ASRGL1: variants seen among roughly 807,000 people sequenced by gnomAD.
The protein encoded by ASRGL1 is isoaspartyl peptidase/L-asparaginase.
ASRGL1 carries 16 observed loss-of-function variants against 22.4 expected under a neutral mutation model. That is an observed-to-expected ratio of 0.71 (90% confidence interval 0.48 to 1.08). The LOEUF (loss-of-function observed/expected upper bound fraction) is 1.08. Ranked by LOEUF, ASRGL1 falls within the 50% of genes least tolerant of loss-of-function variation. The pLI, the probability that ASRGL1 is intolerant of heterozygous loss-of-function variation, is 0.00. For synonymous variants in ASRGL1, 165 were observed against 159.3 expected, an observed-to-expected ratio of 1.04 and a Z score of -0.27; for missense variants, 412 against 410.1, an observed-to-expected ratio of 1.00 and a Z score of -0.04.
At chr11:62,395,173 C>T (rs771667432), downstream of ASRGL1, among the ~76,000 whole-genome samples, 3 of 152,154 alleles carry the variant, frequency 2.0e-5, no homozygotes, top group Admixed American at 6.5e-5. Context: ...AAAACACAAA[C>T]GCTAGCAAAT....
intron 6 of ASRGL1, chr11:62,391,868 G>T: frequency 1.4e-6 from 1 of 739,456 alleles, no homozygotes; most frequent in Non-Finnish European, 2.2e-6. Flanking sequence ...GAGACATTGA[G>T]CCTGGATGTG....
Position 62,389,158 on chromosome 11 carries a change from G to C in ASRGL1, c.517G>C (p.Ala173Pro). 1 of 1,613,858 alleles carries C rather than the reference G, an allele frequency of 6.2e-7. No individual in the cohort carries two copies. Among genetic ancestry groups the C allele is most frequent in the Non-Finnish European group, 8.5e-7 (1 of 1,179,782 alleles). The part of the protein sequence containing the change: ...QKNLGTVGAV[A>P]LDCKGNVAYA... ...AAACTTGGGAACCGTGGGTGCTGTT[G>C]CCTTGGACTGCAAAGGGAATGTAGC... The change falls in exon 5 of 7, where the codon GCC becomes CCC. Residue 173 changes from alanine (A) to proline (P), a missense_variant. Ala to Pro is a conservative substitution (Grantham distance 27). Transcript: ENST00000415229.
intron 4 of ASRGL1, among the ~76,000 whole-genome samples, chr11:62,359,003 G>A (rs949805523): frequency 6.6e-6 from 1 of 152,196 alleles, no homozygotes; most frequent in East Asian, 1.9e-4. Context: ...GGAATATTTA[G>A]TTCTGAAGAT....
chr11:62,401,187 T>C, the ASRGL1 span, among the ~76,000 whole-genome samples: 3 of 152,316 alleles, frequency 2.0e-5, no homozygotes, highest in African/African-American at 7.2e-5. Flanking sequence ...GCTGTGCCTG[T>C]TTTTCAGATG....
intron 4 of ASRGL1, chr11:62,372,289 G>C (rs1946794750): frequency 1.2e-6 from 2 of 1,602,276 alleles, no homozygotes; most frequent in Non-Finnish European, 1.7e-6. Context: ...TTTGCGTTTG[G>C]GGAAAACAAG....
intron 4 of ASRGL1, among the ~76,000 whole-genome samples, chr11:62,386,464 C>CATATCATAGATATGTACATATCATAA (rs1565174610): frequency 1.3e-5 from 2 of 149,242 alleles, no homozygotes; most frequent in Admixed American, 6.6e-5. Context: ...ACATATCATA[C>CATATCATAGATATGTACATATCATAA]ATATCATAGA....
At chr11:62,381,874 G>T in intron 4 of ASRGL1, 1 of 152,918 alleles carries the variant, frequency 6.5e-6, no homozygotes, top group South Asian at 1.8e-4. Flanking sequence ...TGTTCTCAAT[G>T]ACCACGCTCT....
chr11:62,374,541 T>C (rs1237778087), intron 4 of ASRGL1, among the ~76,000 whole-genome samples: 1 of 140,766 alleles, frequency 7.1e-6, no homozygotes, highest in Non-Finnish European at 1.6e-5. Flanking sequence ...CTTCAAGTTT[T>C]TTCTTTAGCT....
At chr11:62,371,287 AG>A in intron 4 of ASRGL1, 1 of 1,269,500 alleles carries the variant, frequency 7.9e-7, no homozygotes, top group Non-Finnish European at 1.0e-6. Flanking sequence ...CAGCAGCAGC[AG>A]CGGCGACGAG....
At chr11:62,397,554 C>T (rs888521242), downstream of ASRGL1, among the ~76,000 whole-genome samples, 1 of 151,322 alleles carries the variant, frequency 6.6e-6, no homozygotes, top group Non-Finnish European at 1.5e-5. Context: ...ATCGCAGCTA[C>T]TGGAGAGGCT....
At chr11:62,342,591 T>G (rs1356081371) in intron 2 of ASRGL1, among the ~76,000 whole-genome samples, 1 of 150,572 alleles carries the variant, frequency 6.6e-6, no homozygotes, top group Non-Finnish European at 1.5e-5. Context: ...ATGCTGTCTC[T>G]GCTAAATATA....
chr11:62,379,884 A>G (rs1429422640), intron 4 of ASRGL1, among the ~76,000 whole-genome samples: 1 of 152,192 alleles, frequency 6.6e-6, no homozygotes, highest in Admixed American at 6.5e-5. Context: ...TTTCCTGACA[A>G]TAGTTGCCCA....
chr11:62,389,750 T>C, intron 5 of ASRGL1: 1 of 244,484 alleles, frequency 4.1e-6, no homozygotes, highest in Non-Finnish European at 8.1e-6. Context: ...CGCCATCTCA[T>C]TCCCAGGAGT....
chr11:62,339,001 G>T (rs1945802474), intron 2 of ASRGL1, among the ~76,000 whole-genome samples: 1 of 150,994 alleles, frequency 6.6e-6, no homozygotes, highest in Non-Finnish European at 1.5e-5. Context: ...AGGAGACCAA[G>T]ATTTCCCTTA....
At position 62,389,264 on chromosome 11, in the gene ASRGL1, G is replaced by C. The variant is rs1354286097; in HGVS notation, c.610+13G>C. 6 of 1,601,672 alleles carry C rather than the reference G, an allele frequency of 3.7e-6. No homozygotes were observed. The highest frequency in any genetic ancestry group is 4.3e-6 in the Non-Finnish European group (5 of 1,168,710). ...TCACCGTGTCTAGGTAGGACCAAGGGATGCCTCCTGCCCCTTCCCCTCTTC... is the reference window on the plus strand; with the variant it reads ...TCACCGTGTCTAGGTAGGACCAAGGCATGCCTCCTGCCCCTTCCCCTCTTC... On this transcript the variant is annotated intron_variant, in intron 5 of 6. Coordinates refer to ENST00000415229, the MANE Select transcript of ASRGL1 (RefSeq NM_001083926.2).
At chr11:62,385,441 G>T (rs1340694650) in intron 4 of ASRGL1, among the ~76,000 whole-genome samples, 1 of 152,134 alleles carries the variant, frequency 6.6e-6, no homozygotes, top group Non-Finnish European at 1.5e-5. Flanking sequence ...TGAGTAGCAG[G>T]AACTACAGGC....
chr11:62,387,018 A>G (rs1371196101), intron 4 of ASRGL1, among the ~76,000 whole-genome samples: 1 of 151,102 alleles, frequency 6.6e-6, no homozygotes, highest in Non-Finnish European at 1.5e-5. Flanking sequence ...TCAGCCTCCC[A>G]AATAGCTGGG....
rs1947350476 is a variant in ASRGL1 at position 62,391,973 on chromosome 11, C to A, written c.722-106C>A. 11 of 1,354,262 alleles carry A rather than the reference C, an allele frequency of 8.1e-6. No individual in the cohort carries two copies. The South Asian group carries it at 1.2e-4, about 15-fold the overall frequency. The allele number at this position is 1,354,262 out of a possible 1,614,324, so 83.9% of individuals were successfully genotyped here. A position where few individuals can be genotyped will look rare whatever the true frequency, so the allele number is the denominator to read the frequency against. On this transcript the variant is annotated intron_variant, in intron 6 of 6. Coordinates refer to ENST00000415229, the MANE Select transcript of ASRGL1 (RefSeq NM_001083926.2). ...TTTTAAGCATTCAGGCGTTCATTTA[C>A]CAAAAATCCTTGCTAGCTCACTTTG... is the stretch of plus-strand genomic sequence containing the variant.
intron 4 of ASRGL1, chr11:62,372,465 G>A: frequency 4.0e-6 from 6 of 1,487,190 alleles, no homozygotes; most frequent in Non-Finnish European, 5.6e-6. Flanking sequence ...AATATGGTCA[G>A]CTGGGACACA....
Sources: gnomAD v4.1 joint callset for allele counts (sites outside exome capture counted in the v4.1 genomes callset) on GRCh38, gnomAD v4.1.1 for gene constraint, MANE v1.5 for transcripts, NCBI Gene and HGNC (gene_info 2026-07-23, HGNC 2026-07-21) for gene names.